Variants in KCND2 observed in about 807,000 individuals in gnomAD.
The protein encoded by KCND2 is A-type voltage-gated potassium channel KCND2.
KCND2 carries 16 observed loss-of-function variants against 54.4 expected under a neutral mutation model. The ratio of observed to expected loss-of-function variants is 0.29; its 90% CI spans 0.20 to 0.45. The LOEUF is 0.45. Ranked by LOEUF, KCND2 falls within the 20% of genes least tolerant of loss-of-function variation. The pLI is 1.00. For synonymous variants in KCND2, 317 were observed against 310.7 expected (o/e 1.02, Z -0.21); for missense variants, 486 against 824.2 (o/e 0.59, Z 5.02).
chr7:120,289,133 G>A (rs1265730815), intron 1 of KCND2, among the ~76,000 whole-genome samples: 3 of 151,564 alleles, frequency 2.0e-5, no homozygotes, highest in African/African-American at 7.3e-5. Flanking sequence ...AAGTGAGGGG[G>A]GTAAAGAGAT....
chr7:120,567,684 CATG>C (rs1299762954), intron 1 of KCND2, among the ~76,000 whole-genome samples: 3 of 152,096 alleles, frequency 2.0e-5, no homozygotes, highest in Non-Finnish European at 2.9e-5. Flanking sequence ...TGCTTCCTGA[CATG>C]ATAATTATGC....
At chr7:120,642,577 A>ATAT (rs1366988606) in intron 1 of KCND2, among the ~76,000 whole-genome samples, 1 of 148,466 alleles carries the variant, frequency 6.7e-6, no homozygotes, top group African/African-American at 2.5e-5. Flanking sequence ...AATAAAAAAA[A>ATAT]ATATATATAT....
At chr7:120,565,177 G>A (rs891231790) in intron 1 of KCND2, among the ~76,000 whole-genome samples, 1 of 152,138 alleles carries the variant, frequency 6.6e-6, no homozygotes, top group African/African-American at 2.4e-5. Context: ...GGAGTGAAAA[G>A]CACTGAAAGG....
At chr7:120,474,693 G>A (rs1382919463) in intron 1 of KCND2, among the ~76,000 whole-genome samples, 5 of 151,806 alleles carry the variant, frequency 3.3e-5, no homozygotes, top group Admixed American at 6.6e-5. Flanking sequence ...TGCCCTTCCT[G>A]TTTCTTTGAT....
intron 1 of KCND2, among the ~76,000 whole-genome samples, chr7:120,599,064 C>CT (rs1792783152): frequency 6.6e-6 from 1 of 152,140 alleles, no homozygotes; most frequent in Admixed American, 6.6e-5. Context: ...TGTTCCAGCA[C>CT]TATTTGTTCA....
chr7:120,377,862 G>T (rs1044239952), intron 1 of KCND2, among the ~76,000 whole-genome samples: 2 of 151,850 alleles, frequency 1.3e-5, no homozygotes, highest in African/African-American at 4.8e-5. Flanking sequence ...AAGCTACATT[G>T]TCCTCAGCAA....
At chr7:120,348,560 G>A (rs1374776764) in intron 1 of KCND2, among the ~76,000 whole-genome samples, 5 of 152,136 alleles carry the variant, frequency 3.3e-5, no homozygotes, top group African/African-American at 2.4e-5. Context: ...ACATAGCTAA[G>A]CAATTGTTTC....
intron 1 of KCND2, among the ~76,000 whole-genome samples, chr7:120,531,769 T>C (rs1444600551): frequency 3.9e-5 from 6 of 152,174 alleles, no homozygotes; most frequent in African/African-American, 7.2e-5. Context: ...CAAAAGACTT[T>C]ATATACTTGT....
At chr7:120,666,413 G>A (rs774472643) in intron 1 of KCND2, among the ~76,000 whole-genome samples, 1 of 151,634 alleles carries the variant, frequency 6.6e-6, no homozygotes. Flanking sequence ...GGTAAAAGAT[G>A]CCATTGTTTT....
intron 1 of KCND2, among the ~76,000 whole-genome samples, chr7:120,597,757 C>A (rs1269430181): frequency 1.1e-4 from 16 of 152,088 alleles, no homozygotes; most frequent in Non-Finnish European, 1.5e-5. Flanking sequence ...ATCCACTATT[C>A]TCTTTGTTTT....
intron 1 of KCND2, among the ~76,000 whole-genome samples, chr7:120,457,905 G>T (rs1802223218): frequency 6.6e-6 from 1 of 152,128 alleles, no homozygotes; most frequent in Non-Finnish European, 1.5e-5. Flanking sequence ...AATGGAAAGA[G>T]GTTTAATTAA....
chr7:120,549,604 C>A (rs1792081925), intron 1 of KCND2, among the ~76,000 whole-genome samples: 1 of 152,138 alleles, frequency 6.6e-6, no homozygotes, highest in Non-Finnish European at 1.5e-5. Context: ...AAAATAATTT[C>A]TTTCCTTTAT....
At chr7:120,364,558 T>C (rs1011158739) in intron 1 of KCND2, among the ~76,000 whole-genome samples, 1 of 152,066 alleles carries the variant, frequency 6.6e-6, no homozygotes, top group Non-Finnish European at 1.5e-5. Context: ...AATGCAAGGT[T>C]TTGCAATGGG....
chr7:120,453,093 ATC>A (rs1005289939), intron 1 of KCND2, among the ~76,000 whole-genome samples: 2 of 152,092 alleles, frequency 1.3e-5, no homozygotes, highest in African/African-American at 4.8e-5. Context: ...CCACCTGATC[ATC>A]TCTCTATTGC....
At chr7:120,364,628 G>T (rs541545470) in intron 1 of KCND2, among the ~76,000 whole-genome samples, 1 of 152,182 alleles carries the variant, frequency 6.6e-6, no homozygotes, top group South Asian at 2.1e-4. Context: ...TATAGGAAAA[G>T]AGCGGGGTAG....
chr7:120,334,279 G>A (rs558331423), intron 1 of KCND2, among the ~76,000 whole-genome samples: 56 of 152,236 alleles, frequency 3.7e-4, no homozygotes, highest in Non-Finnish European at 7.2e-4. Flanking sequence ...TTCGAAGAGT[G>A]ATTTTACTTA....
At chr7:120,296,129 A>T (rs1005859553) in intron 1 of KCND2, among the ~76,000 whole-genome samples, 1 of 152,106 alleles carries the variant, frequency 6.6e-6, no homozygotes, top group Admixed American at 6.6e-5. Flanking sequence ...ATCTCTTTCT[A>T]CTGCTGGGAA....
intron 1 of KCND2, among the ~76,000 whole-genome samples, chr7:120,574,768 C>T (rs1792407022): frequency 6.6e-6 from 1 of 152,080 alleles, no homozygotes; most frequent in African/African-American, 2.4e-5. Flanking sequence ...TCTGCCTACT[C>T]CCCTTTCTCT....
chr7:120,439,254 T>C (rs1456043127), intron 1 of KCND2, among the ~76,000 whole-genome samples: 4 of 152,094 alleles, frequency 2.6e-5, no homozygotes, highest in South Asian at 2.1e-4. Flanking sequence ...AGGATTTAAA[T>C]TGGTTTTCAC....
Sources: gnomAD v4.1 joint callset for allele counts (sites outside exome capture counted in the v4.1 genomes callset) on GRCh38, gnomAD v4.1.1 for gene constraint, MANE v1.5 for transcripts, NCBI Gene and HGNC (gene_info 2026-07-23, HGNC 2026-07-21) for gene names.